Variants in SORCS1 observed in about 807,000 individuals in gnomAD.
SORCS1 encodes sortilin related VPS10 domain containing receptor 1, also known as VPS10 domain-containing receptor SorCS1.
A neutral mutation model predicts 146.1 loss-of-function variants in SORCS1; 60 were observed. That is an observed-to-expected ratio of 0.41 (90% CI 0.33 to 0.51). The LOEUF is 0.51. Among genes scored for constraint, SORCS1 ranks in the 20% least tolerant of loss-of-function variants. The pLI is 0.21. For synonymous variants in SORCS1, 637 were observed against 584.0 expected, an observed-to-expected ratio of 1.09 and a Z score of -1.31; for missense variants, 1,352 against 1,487.6, an observed-to-expected ratio of 0.91 and a Z score of 1.50.
chr10:106,993,564 A>G (rs985311187), intron 1 of SORCS1, among the ~76,000 whole-genome samples: 6 of 152,224 alleles, frequency 3.9e-5, no homozygotes, highest in African/African-American at 1.4e-4. Context: ...ATTTTCTTAA[A>G]GCTAAAAACT....
At chr10:106,890,623 G>C (rs901475889) in intron 2 of SORCS1, among the ~76,000 whole-genome samples, 1 of 152,146 alleles carries the variant, frequency 6.6e-6, no homozygotes, top group Non-Finnish European at 1.5e-5. Context: ...GGGCTACTAG[G>C]GGAGAATGCT....
rs552223686 is a variant in SORCS1 at position 106,982,358 on chromosome 10, C to T, written c.559-25778G>A. The stretch of plus-strand genomic sequence containing the variant: ...AATTGCTAACAAAATTGTACTTCTG[C>T]CTTCCATGGTAAGGATCATACTTTT... On this transcript the variant is annotated intron_variant, in intron 1 of 25. Transcript: ENST00000263054. Among the ~76,000 whole-genome samples the T allele has an allele frequency of 1.8e-4, 27 of 152,242 alleles. No homozygotes were observed. In the South Asian group the frequency reaches 5.6e-3, roughly 32 times the overall value.
intron 19 of SORCS1, among the ~76,000 whole-genome samples, chr10:106,623,244 T>C (rs1589499926): frequency 1.0e-5 from 1 of 99,400 alleles, no homozygotes; most frequent in Non-Finnish European, 1.9e-5. Context: ...ATATGTGAGC[T>C]TTTTTTTTTT....
chr10:106,750,505 C>T (rs886323428), intron 5 of SORCS1, among the ~76,000 whole-genome samples: 22 of 151,198 alleles, frequency 1.5e-4, no homozygotes, highest in Admixed American at 1.4e-3. Flanking sequence ...CCGAGGCGGG[C>T]GGATTACGAG....
At chr10:106,630,731 T>G (rs1848393112) in intron 18 of SORCS1, among the ~76,000 whole-genome samples, 1 of 152,190 alleles carries the variant, frequency 6.6e-6, no homozygotes, top group Non-Finnish European at 1.5e-5. Context: ...TATAAATCAA[T>G]GTAGCTATAA....
chr10:106,758,894 T>G (rs1208838369), intron 5 of SORCS1, among the ~76,000 whole-genome samples: 1 of 152,166 alleles, frequency 6.6e-6, no homozygotes, highest in Non-Finnish European at 1.5e-5. Context: ...TAAGCTTCTG[T>G]GCAACAAAAA....
chr10:107,011,384 C>T (rs559455035), intron 1 of SORCS1, among the ~76,000 whole-genome samples: 27 of 152,348 alleles, frequency 1.8e-4, no homozygotes, highest in Non-Finnish European at 3.5e-4. Context: ...ATAAGAAACA[C>T]GACCTTCCAC....
intron 1 of SORCS1, among the ~76,000 whole-genome samples, chr10:107,021,816 T>C (rs1290735168): frequency 2.0e-5 from 3 of 152,216 alleles, no homozygotes; most frequent in African/African-American, 7.2e-5. Context: ...AAGTTCCATA[T>C]TAACCACATT....
chr10:106,752,972 C>T (rs868427217), intron 5 of SORCS1, among the ~76,000 whole-genome samples: 18 of 151,988 alleles, frequency 1.2e-4, no homozygotes, highest in South Asian at 6.2e-4. Context: ...CCACTGCCAC[C>T]GCAACATAAA....
chr10:107,035,377 T>C (rs981339766), intron 1 of SORCS1, among the ~76,000 whole-genome samples: 4 of 151,850 alleles, frequency 2.6e-5, no homozygotes, highest in Non-Finnish European at 5.9e-5. Context: ...TCATCAAGAA[T>C]GTGACTTCCC....
chr10:107,115,800 A>G (rs564196438), intron 1 of SORCS1, among the ~76,000 whole-genome samples: 1 of 152,144 alleles, frequency 6.6e-6, no homozygotes, highest in African/African-American at 2.4e-5. Flanking sequence ...TAACCTACCT[A>G]GTGAAAAGGC....
intron 17 of SORCS1, among the ~76,000 whole-genome samples, chr10:106,663,143 G>A (rs1264545829): frequency 6.6e-6 from 1 of 152,060 alleles, no homozygotes; most frequent in Admixed American, 6.6e-5. Flanking sequence ...AAACATCCAT[G>A]GAAGAAGGAT....
chr10:106,761,822 T>C (rs371903445), intron 4 of SORCS1, among the ~76,000 whole-genome samples, 161 bp from the exon 5 acceptor site: 20 of 152,360 alleles, frequency 1.3e-4, no homozygotes, highest in African/African-American at 4.1e-4. Context: ...CTATTCCTTA[T>C]ACAAATTCTG....
At chr10:106,924,064 G>A (rs1216748399) in intron 2 of SORCS1, among the ~76,000 whole-genome samples, 1 of 152,160 alleles carries the variant, frequency 6.6e-6, no homozygotes, top group African/African-American at 2.4e-5. Flanking sequence ...AGACCAGCCT[G>A]ACCAACATGG....
intron 24 of SORCS1, among the ~76,000 whole-genome samples, chr10:106,592,080 C>A (rs1845635851): frequency 6.6e-6 from 1 of 152,312 alleles, no homozygotes; most frequent in Admixed American, 6.5e-5. Flanking sequence ...GGGAGCCACT[C>A]AGGCCATGAC....
intron 2 of SORCS1, among the ~76,000 whole-genome samples, chr10:106,954,777 C>T (rs1051882846): frequency 1.3e-5 from 2 of 152,136 alleles, no homozygotes; most frequent in Non-Finnish European, 2.9e-5. Flanking sequence ...TGCACCTCCC[C>T]CATTTTGAGC....
intron 23 of SORCS1, among the ~76,000 whole-genome samples, chr10:106,602,637 T>C (rs1452675130): frequency 6.6e-6 from 1 of 152,070 alleles, no homozygotes; most frequent in African/African-American, 2.4e-5. Flanking sequence ...GTCATAAATA[T>C]GTGTTTCCTT....
At chr10:107,051,689 G>C (rs755040641) in intron 1 of SORCS1, among the ~76,000 whole-genome samples, 7 of 152,062 alleles carry the variant, frequency 4.6e-5, no homozygotes, top group Non-Finnish European at 7.4e-5. Flanking sequence ...AAATAAGATT[G>C]AACTAATTTG....
chr10:106,969,413 T>C (rs147290125), intron 1 of SORCS1, among the ~76,000 whole-genome samples: 11 of 152,288 alleles, frequency 7.2e-5, no homozygotes, highest in African/African-American at 1.2e-4. Context: ...CAAAAAATAA[T>C]CTTAATATAT....
Sources: allele counts gnomAD v4.1 joint callset (sites outside exome capture counted in the v4.1 genomes callset), GRCh38; gene constraint gnomAD v4.1.1; transcripts MANE v1.5; gene names NCBI Gene and HGNC (gene_info 2026-07-23, HGNC 2026-07-21).